BLZF1: variants seen among roughly 807,000 people sequenced by gnomAD.
The protein encoded by BLZF1 is basic leucine zipper nuclear factor 1.
A neutral mutation model predicts 43.8 loss-of-function variants in BLZF1; 39 were observed. The ratio of observed to expected loss-of-function variants is 0.89; its 90% confidence interval spans 0.69 to 1.16. The LOEUF is 1.16. Ranked by LOEUF, BLZF1 falls within the 50% of genes most tolerant of loss-of-function variation. The probability of loss-of-function intolerance (pLI) is 0.00; values close to 1 mark genes in which losing one functional copy is unlikely to be tolerated. For missense variants in BLZF1, 449 were observed against 469.8 expected, an observed-to-expected ratio of 0.96 and a Z score of 0.41; for synonymous variants, 136 against 159.4, an observed-to-expected ratio of 0.85 and a Z score of 1.11.
Position 169,378,334 on chromosome 1 carries a change from A to G in BLZF1, c.473A>G (p.Asn158Ser). 3 of 1,612,370 alleles carry G rather than the reference A, an allele frequency of 1.9e-6. No individual in the cohort carries two copies. Among genetic ancestry groups the G allele is most frequent in the Non-Finnish European group, 2.5e-6 (3 of 1,178,708 alleles). The change falls in exon 4 of 7, where the codon AAT (asparagine) becomes AGT (serine). Residue 158 changes from asparagine (N) to serine (S), a missense_variant. Asn to Ser is a conservative substitution (Grantham distance 46, BLOSUM62 1). Transcript: ENST00000367808. Reference sequence around the variant, plus strand: ...ATTGATTACGTTCTCTTCTAGGTAAATCGTGAGTTAAAAAAGTTACTGGTG... The same window carrying G: ...ATTGATTACGTTCTCTTCTAGGTAAGTCGTGAGTTAAAAAAGTTACTGGTG... The part of the protein sequence containing the change: ...SNQLRVQTEV[N>S]RELKKLLVAS...
chr1:169,383,648 C>A (rs1654588374), intron 6 of BLZF1, among the ~76,000 whole-genome samples: 1 of 152,164 alleles, frequency 6.6e-6, no homozygotes, highest in Non-Finnish European at 1.5e-5. Flanking sequence ...TCGAGCATTC[C>A]TTCCTGGAAA....
intron 7 of BLZF1, chr1:169,395,216 C>T (rs770423820): frequency 6.2e-6 from 10 of 1,605,754 alleles, no homozygotes; most frequent in Non-Finnish European, 8.5e-6. Context: ...TCTGTAGAAA[C>T]AGGCATGATC....
chr1:169,394,995 C>T, intron 7 of BLZF1: 1 of 1,481,674 alleles, frequency 6.7e-7, no homozygotes, highest in Non-Finnish European at 9.1e-7. Flanking sequence ...CCTAAGAAAT[C>T]ATATCCAAAA....
downstream of BLZF1, among the ~76,000 whole-genome samples, chr1:169,393,272 C>CTTTACTTA (rs1173300409): frequency 3.3e-5 from 5 of 151,822 alleles, no homozygotes; most frequent in Admixed American, 3.3e-4. Context: ...TACCTCACGC[C>CTTTACTTA]ATATATAAAA....
intron 6 of BLZF1, among the ~76,000 whole-genome samples, chr1:169,383,492 G>A (rs761619039): frequency 2.0e-5 from 3 of 152,052 alleles, no homozygotes; most frequent in Non-Finnish European, 4.4e-5. Context: ...CAAGAATCTT[G>A]GACAAGTTGT....
chr1:169,381,903 A>G (rs536241185), intron 5 of BLZF1, among the ~76,000 whole-genome samples, 159 bp from the exon 6 acceptor site: 1 of 152,342 alleles, frequency 6.6e-6, no homozygotes, highest in East Asian at 1.9e-4. Flanking sequence ...AGTCTAACTT[A>G]CTTGACTAAG....
chr1:169,376,475 T>G, intron 2 of BLZF1, 65 bp from the exon 3 acceptor site: 1 of 1,403,278 alleles, frequency 7.1e-7, no homozygotes, highest in South Asian at 1.4e-5. Flanking sequence ...GGGTATAGCA[T>G]GTATTAGCAT....
At chr1:169,386,571 C>T (rs1252702239) in intron 6 of BLZF1, among the ~76,000 whole-genome samples, 8 of 150,052 alleles carry the variant, frequency 5.3e-5, no homozygotes, top group Non-Finnish European at 8.9e-5. Flanking sequence ...CCCAGCTACT[C>T]GGGAGGCAGA....
intron 7 of BLZF1, among the ~76,000 whole-genome samples, chr1:169,394,136 T>G (rs943341157): frequency 6.6e-6 from 1 of 152,208 alleles, no homozygotes; most frequent in Non-Finnish European, 1.5e-5. Context: ...GATCAGTCTA[T>G]GTGAACAAAA....
At chr1:169,390,514 A>C (rs565158678), downstream of BLZF1, among the ~76,000 whole-genome samples, 3 of 152,306 alleles carry the variant, frequency 2.0e-5, no homozygotes, top group South Asian at 4.1e-4. Flanking sequence ...ACCTTACATA[A>C]AGAAAAACTG....
At chr1:169,390,045 C>T (rs936264289), downstream of BLZF1, among the ~76,000 whole-genome samples, 1 of 152,042 alleles carries the variant, frequency 6.6e-6, no homozygotes, top group Non-Finnish European at 1.5e-5. Context: ...ACAACAATGT[C>T]AGTCTACTTA....
At position 169,395,005 on chromosome 1, in the gene BLZF1, AT is replaced by A. The variant is rs776779627; in HGVS notation, c.*28-885del. 2.3e-5 allele frequency: 35 copies of A among 1,529,586 alleles called. No individual in the cohort carries two copies. In the South Asian group the frequency reaches 4.1e-4, roughly 18 times the overall value. The allele number at this position is 1,529,586 out of a possible 1,614,324, so 94.8% of individuals were successfully genotyped here. A position where few individuals can be genotyped will look rare whatever the true frequency, so the allele number is the denominator to read the frequency against. On this transcript the variant is annotated intron_variant, in intron 7 of 7. Transcript: ENST00000329281. The stretch of plus-strand genomic sequence containing the variant: ...CAGACCCTAAGAAATCATATCCAAA[AT>A]TTTGATAGCAGCTGCCCACTGAAAT...
chr1:169,372,992 ATTG>A (rs1325096549), intron 2 of BLZF1, among the ~76,000 whole-genome samples: 10 of 152,116 alleles, frequency 6.6e-5, no homozygotes, highest in Admixed American at 3.9e-4. Context: ...GTTTTCAATT[ATTG>A]TTGTTATAGT....
At position 169,380,627 on chromosome 1, in the gene BLZF1, A is replaced by G. The variant is rs1462097987; in HGVS notation, c.797+18A>G. 1 of 1,609,648 alleles carries G rather than the reference A, an allele frequency of 6.2e-7. No homozygotes were observed. The highest frequency in any genetic ancestry group is 8.5e-7 in the Non-Finnish European group (1 of 1,177,676). Reference sequence around the variant, plus strand: ...ACCCAGAAGTATGGCACTTGTTTACATTCTGAACTCTTCTGCTTTCTCCTG... The same window carrying G: ...ACCCAGAAGTATGGCACTTGTTTACGTTCTGAACTCTTCTGCTTTCTCCTG... On this transcript the variant is annotated intron_variant, in intron 5 of 6. Transcript: ENST00000367808.
chr1:169,387,305 C>A lies in BLZF1; in HGVS notation c.*123C>A. On this transcript the variant is annotated 3_prime_UTR_variant, in exon 7 of 7. Coordinates refer to ENST00000367808, the MANE Select transcript of BLZF1 (RefSeq NM_001320973.2). ...ACTTCCTATTTACATAATGTATACACCCAAAGATATTTTATGTACTAGACT... is the reference window on the plus strand; with the variant it reads ...ACTTCCTATTTACATAATGTATACAACCAAAGATATTTTATGTACTAGACT... 2.4e-6 allele frequency: 2 copies of A among 836,454 alleles called. No homozygotes were observed. The highest frequency in any genetic ancestry group is 3.6e-6 in the Non-Finnish European group (2 of 550,154). The allele number at this position is 836,454 out of a possible 1,614,324, so 51.8% of individuals were successfully genotyped here.
At chr1:169,373,014 C>A (rs1297533573) in intron 2 of BLZF1, among the ~76,000 whole-genome samples, 2 of 152,050 alleles carry the variant, frequency 1.3e-5, no homozygotes, top group Non-Finnish European at 2.9e-5. Flanking sequence ...GTTTGAATTT[C>A]ATCAATAAAT....
intron 2 of BLZF1, among the ~76,000 whole-genome samples, chr1:169,373,796 T>C (rs571941696): frequency 3.9e-4 from 59 of 152,288 alleles, no homozygotes; most frequent in African/African-American, 1.4e-3. Context: ...CATTTTGTAA[T>C]TTGTTCTTGA....
At chr1:169,369,793 G>GT (rs1557844677) in intron 2 of BLZF1, among the ~76,000 whole-genome samples, 2 of 147,526 alleles carry the variant, frequency 1.4e-5, no homozygotes, top group African/African-American at 5.4e-5. Flanking sequence ...TTAATGCAAA[G>GT]TTTTTAACAG....
At chr1:169,378,107 T>C (rs1281027961) in intron 3 of BLZF1, among the ~76,000 whole-genome samples, 1 of 151,960 alleles carries the variant, frequency 6.6e-6, no homozygotes, top group Non-Finnish European at 1.5e-5. Flanking sequence ...AGAGGCTCAG[T>C]TTATTACCAC....
Sources: allele counts gnomAD v4.1 joint callset (sites outside exome capture counted in the v4.1 genomes callset), GRCh38; gene constraint gnomAD v4.1.1; transcripts MANE v1.5; gene names NCBI Gene and HGNC (gene_info 2026-07-23, HGNC 2026-07-21).